ADAM18: variants seen among roughly 807,000 people sequenced by gnomAD.
ADAM18 encodes the protein ADAM metallopeptidase domain 18, also known as disintegrin and metalloproteinase domain-containing protein 18.
ADAM18 carries 117 observed loss-of-function variants against 94.4 expected under a neutral mutation model. The ratio of observed to expected loss-of-function variants is 1.24; its 90% confidence interval spans 1.07 to 1.45. The LOEUF (loss-of-function observed/expected upper bound fraction) is 1.45. Among genes scored for constraint, ADAM18 ranks in the 40% most tolerant of loss-of-function variants. The pLI, the probability that ADAM18 is intolerant of heterozygous loss-of-function variation, is 0.00. For missense variants in ADAM18, 936 were observed against 880.0 expected (o/e 1.06, Z -0.81); for synonymous variants, 327 against 291.6 (o/e 1.12, Z -1.24).
chr8:39,584,678 GT>G lies in ADAM18; in HGVS notation c.55+2del. 6.2e-7 allele frequency: 1 copy of G among 1,613,022 alleles called. No individual in the cohort carries two copies. Among genetic ancestry groups the G allele is most frequent in the Non-Finnish European group, 8.5e-7 (1 of 1,180,004 alleles). On this transcript the variant is annotated splice_donor_variant, in intron 1 of 19. Coordinates refer to ENST00000265707, the MANE Select transcript of ADAM18 (RefSeq NM_014237.3). LOFTEE classifies it high-confidence loss of function. ...CTTGGAAGACTGCAAGCCCACGAAG[GT>G]AAGTCCATGGGAGCCTCCCCTTTCT...
At chr8:39,729,518 T>C (rs1458711963) in intron 19 of ADAM18, among the ~76,000 whole-genome samples, 2 of 152,168 alleles carry the variant, frequency 1.3e-5, no homozygotes, top group Non-Finnish European at 2.9e-5. Context: ...CCCTAAGCTG[T>C]AGGTTTTTCT....
chr8:39,615,181 C>T (rs753547645), intron 6 of ADAM18, among the ~76,000 whole-genome samples: 1 of 151,664 alleles, frequency 6.6e-6, no homozygotes, highest in Non-Finnish European at 1.5e-5. Context: ...GGCATGTACT[C>T]TAAAATCAAC....
intron 16 of ADAM18, among the ~76,000 whole-genome samples, chr8:39,690,715 T>G (rs184716984): frequency 6.6e-6 from 1 of 152,180 alleles, no homozygotes; most frequent in Non-Finnish European, 1.5e-5. Context: ...ACCAACCAAA[T>G]GTTGGTGAGG....
chr8:39,661,155 T>C (rs1161900714), intron 12 of ADAM18, among the ~76,000 whole-genome samples: 2 of 32,874 alleles, frequency 6.1e-5, no homozygotes, highest in African/African-American at 2.2e-4. Context: ...CTTCTTCTTC[T>C]TTTTTTTTTT....
chr8:39,709,085 C>T (rs1261053980), intron 18 of ADAM18, among the ~76,000 whole-genome samples: 1 of 152,206 alleles, frequency 6.6e-6, no homozygotes, highest in Non-Finnish European at 1.5e-5. Context: ...CATCCGCACT[C>T]ATGGCTCCCG....
intron 14 of ADAM18, among the ~76,000 whole-genome samples, chr8:39,676,123 A>T (rs1821294686): frequency 1.3e-5 from 2 of 152,214 alleles, no homozygotes; most frequent in African/African-American, 4.8e-5. Flanking sequence ...TTGAGGAGGC[A>T]GTCTGTCCCT....
intron 14 of ADAM18, among the ~76,000 whole-genome samples, chr8:39,671,836 C>A (rs1334292480): frequency 1.3e-5 from 2 of 152,102 alleles, no homozygotes; most frequent in Non-Finnish European, 2.9e-5. Context: ...AGTAAGGAAA[C>A]TATACTCCAA....
chr8:39,612,013 C>T (rs1271330560), intron 6 of ADAM18, among the ~76,000 whole-genome samples: 1 of 151,354 alleles, frequency 6.6e-6, no homozygotes, highest in Non-Finnish European at 1.5e-5. Context: ...GAAGTTTATA[C>T]AAAACAACTA....
chr8:39,619,007 C>T (rs1328099686), intron 6 of ADAM18, among the ~76,000 whole-genome samples: 3 of 151,922 alleles, frequency 2.0e-5, no homozygotes. Flanking sequence ...GGTCTCCCTA[C>T]AAATTAGGAG....
chr8:39,715,840 C>A (rs1822556685), intron 18 of ADAM18, among the ~76,000 whole-genome samples: 1 of 151,928 alleles, frequency 6.6e-6, no homozygotes, highest in African/African-American at 2.4e-5. Flanking sequence ...CCAGATATAG[C>A]CACCGGTGAA....
At chr8:39,629,596 C>A (rs1400391884) in intron 7 of ADAM18, among the ~76,000 whole-genome samples, 157 bp downstream of exon 7, 2 of 150,296 alleles carry the variant, frequency 1.3e-5, no homozygotes, top group Non-Finnish European at 3.0e-5. Context: ...CTCTTTTCCT[C>A]CCCTCCCCTC....
Position 39,637,293 on chromosome 8 carries a change from T to C in ADAM18, c.618T>C (p.Ala206=). The C allele has an allele frequency of 6.2e-7, 1 of 1,607,432 alleles. No homozygotes were observed. The highest frequency in any genetic ancestry group is 1.3e-5 in the African/African-American group (1 of 74,672). Residue 206 remains alanine (A), a synonymous_variant, in exon 8 of 20, where the codon GCT becomes GCC. Transcript: ENST00000265707. ...ATTATATGGGATCTGAAATGATGGC[T>C]GTAACACAAAAAATTGTCCAGGTTA... is the stretch of plus-strand genomic sequence containing the variant. ...LYDYMGSEMM[A]VTQKIVQVIG... is the part of the protein sequence containing the mutation.
At chr8:39,600,378 A>C (rs1370783216) in intron 2 of ADAM18, among the ~76,000 whole-genome samples, 1 of 152,190 alleles carries the variant, frequency 6.6e-6, no homozygotes, top group Non-Finnish European at 1.5e-5. Flanking sequence ...TTTATATTTT[A>C]ATTTGATTGG....
At chr8:39,611,048 A>T in intron 6 of ADAM18, 1 of 1,038,200 alleles carries the variant, frequency 9.6e-7, no homozygotes. Flanking sequence ...CTTACATACT[A>T]CCTGAACATA....
intron 2 of ADAM18, among the ~76,000 whole-genome samples, chr8:39,587,185 T>A (rs1818429128): frequency 6.6e-6 from 1 of 152,180 alleles, no homozygotes; most frequent in South Asian, 2.1e-4. Context: ...ATCCATCACC[T>A]CCAAAAATGT....
chr8:39,590,354 A>C (rs542693415), intron 2 of ADAM18, among the ~76,000 whole-genome samples: 1 of 152,158 alleles, frequency 6.6e-6, no homozygotes, highest in Non-Finnish European at 1.5e-5. Flanking sequence ...CAAACACCGC[A>C]TATTCTCACT....
Position 39,632,545 on chromosome 8 carries a change from C to A in ADAM18, c.588+3106C>A, listed in dbSNP as rs573335025. ...CATTTTAATCAATTTTTACAAGTAA[C>A]CTGATCTTTTATTTAATATTTTGTT... On this transcript the variant is annotated intron_variant, in intron 7 of 19. Coordinates refer to ENST00000265707, the MANE Select transcript of ADAM18 (RefSeq NM_014237.3). Among the ~76,000 whole-genome samples the A allele has an allele frequency of 3.9e-5, 6 of 152,094 alleles. 1 individual carries two copies. Among genetic ancestry groups the A allele is most frequent in the Admixed American group, 6.6e-5 (1 of 15,256 alleles).
At chr8:39,618,745 T>C (rs1819520661) in intron 6 of ADAM18, among the ~76,000 whole-genome samples, 1 of 152,176 alleles carries the variant, frequency 6.6e-6, no homozygotes, top group South Asian at 2.1e-4. Context: ...TGTCCGTTTA[T>C]AGACTCCCGC....
At chr8:39,716,046 T>C (rs987719379) in intron 18 of ADAM18, among the ~76,000 whole-genome samples, 1 of 152,032 alleles carries the variant, frequency 6.6e-6, no homozygotes, top group Non-Finnish European at 1.5e-5. Context: ...TCAGATTTTA[T>C]GTCTCTCCTT....
Sources: allele counts gnomAD v4.1 joint callset (sites outside exome capture counted in the v4.1 genomes callset), GRCh38; gene constraint gnomAD v4.1.1; transcripts MANE v1.5; gene names NCBI Gene and HGNC (gene_info 2026-07-23, HGNC 2026-07-21).